RBFOX3: variants seen among roughly 807,000 people sequenced by gnomAD.
The protein encoded by RBFOX3 is RNA binding fox-1 homolog 3.
In RBFOX3, 17 loss-of-function variants were observed where a neutral mutation model predicts 48.7. The observed-to-expected ratio is 0.35, with a 90% CI of 0.24 to 0.52. The LOEUF (loss-of-function observed/expected upper bound fraction) is 0.52, where lower values mean the gene tolerates loss of function less well. Ranked by LOEUF, RBFOX3 falls within the 20% of genes least tolerant of loss-of-function variation. The pLI, the probability that RBFOX3 is intolerant of heterozygous loss-of-function variation, is 0.94. For synonymous variants in RBFOX3, 212 were observed against 209.5 expected (o/e 1.01, Z -0.10); for missense variants, 382 against 497.5 (o/e 0.77, Z 2.21).
chr17:79,521,317 GACAC>G (rs1253100066), intron 1 of RBFOX3, among the ~76,000 whole-genome samples: 1 of 149,680 alleles, frequency 6.7e-6, no homozygotes, highest in Non-Finnish European at 1.5e-5. Context: ...CACATGCTCA[GACAC>G]ACACATTCAT....
rs1333917960 is a variant in RBFOX3, at chr17:79,097,920, C to T, written c.569-175G>A. On this transcript the variant is annotated intron_variant, in intron 9 of 14. Transcript: ENST00000693108. Reference sequence around the variant, plus strand: ...CCGGACAAGTGCTGAGTTCAAAACACCAGGGTCTACTCCTTCCTGACTCTT... The same window carrying T: ...CCGGACAAGTGCTGAGTTCAAAACATCAGGGTCTACTCCTTCCTGACTCTT... The T allele has an allele frequency of 2.3e-5, 15 of 648,736 alleles. No individual in the cohort carries two copies. The South Asian group carries it at 2.7e-4, about 12-fold the overall frequency. 40.2% of individuals were successfully genotyped at this position (648,736 alleles called of 1,614,324 possible).
chr17:79,460,557 G>A lies in RBFOX3; in HGVS notation c.-175+21897C>T, dbSNP rs12601099. Among the ~76,000 whole-genome samples the A allele has an allele frequency of 1.2e-3, 177 of 152,324 alleles. 4 individuals carry two copies. The East Asian group carries it at 0.033, about 29-fold the overall frequency. On this transcript the variant is annotated intron_variant, in intron 2 of 14. Transcript: ENST00000693108. ...CTCTTGCTGCACTTACATAAGCCAT[G>A]CTATGATGGTTTAAATATGTCTCCT...
At chr17:79,581,359 C>T (rs1278036747) in intron 1 of RBFOX3, among the ~76,000 whole-genome samples, 5 of 152,254 alleles carry the variant, frequency 3.3e-5, no homozygotes, top group African/African-American at 1.2e-4. Context: ...AAGACTTCCC[C>T]TCGGGCTCAA....
chr17:79,239,155 C>T (rs957926598), intron 3 of RBFOX3, among the ~76,000 whole-genome samples: 1 of 152,178 alleles, frequency 6.6e-6, no homozygotes. Context: ...TCTGAGATGT[C>T]GGCTCCCCCT....
intron 1 of RBFOX3, among the ~76,000 whole-genome samples, chr17:79,491,292 G>A (rs1210837084): frequency 6.6e-6 from 1 of 151,728 alleles, no homozygotes; most frequent in African/African-American, 2.4e-5. Flanking sequence ...AGCAGGAGAT[G>A]AGACCAGACA....
intron 4 of RBFOX3, among the ~76,000 whole-genome samples, chr17:79,124,922 G>A (rs893377501): frequency 2.6e-5 from 4 of 151,916 alleles, no homozygotes; most frequent in Non-Finnish European, 4.4e-5. Flanking sequence ...CCTTGTCTCG[G>A]GGGGAGCCCA....
At chr17:79,284,463 G>A (rs2071366104) in intron 3 of RBFOX3, among the ~76,000 whole-genome samples, 1 of 151,836 alleles carries the variant, frequency 6.6e-6, no homozygotes, top group Non-Finnish European at 1.5e-5. Context: ...CGTGGTGATT[G>A]AGACAGGCCC....
intron 1 of RBFOX3, among the ~76,000 whole-genome samples, chr17:79,491,745 C>A (rs868933336): frequency 6.6e-6 from 1 of 152,110 alleles, no homozygotes; most frequent in Non-Finnish European, 1.5e-5. Flanking sequence ...CATTATTACC[C>A]ACAGTCTACT....
intron 2 of RBFOX3, among the ~76,000 whole-genome samples, chr17:79,369,002 C>T (rs1372598546): frequency 1.3e-5 from 2 of 152,178 alleles, no homozygotes; most frequent in East Asian, 1.9e-4. Context: ...CTCACCGCCG[C>T]CTGCTATCCA....
chr17:79,133,214 G>C (rs2039396151), intron 4 of RBFOX3, among the ~76,000 whole-genome samples: 2 of 152,324 alleles, frequency 1.3e-5, no homozygotes, highest in South Asian at 4.1e-4. Flanking sequence ...GCAGGGGCCA[G>C]TGGGAGAAGA....
At chr17:79,174,856 CA>C (rs1360522544) in intron 4 of RBFOX3, among the ~76,000 whole-genome samples, 1 of 152,230 alleles carries the variant, frequency 6.6e-6, no homozygotes, top group Admixed American at 6.5e-5. Context: ...GACCTGGGCA[CA>C]GGAGAGCTGA....
intron 2 of RBFOX3, among the ~76,000 whole-genome samples, chr17:79,340,999 T>C (rs1311359076): frequency 2.6e-5 from 4 of 152,228 alleles, no homozygotes; most frequent in African/African-American, 7.2e-5. Flanking sequence ...AGCTCTGGAC[T>C]CAAACAAACA....
chr17:79,110,339 C>T (rs2030624932), intron 5 of RBFOX3, among the ~76,000 whole-genome samples: 1 of 152,104 alleles, frequency 6.6e-6, no homozygotes, highest in Admixed American at 6.5e-5. Context: ...CTCCCACTCT[C>T]CACATCCTCT....
chr17:79,355,275 G>C (rs2084753668), intron 2 of RBFOX3, among the ~76,000 whole-genome samples: 1 of 152,258 alleles, frequency 6.6e-6, no homozygotes, highest in Non-Finnish European at 1.5e-5. Flanking sequence ...AGCATGTGAA[G>C]CCTGCAGAAC....
At chr17:79,436,525 G>A (rs79618980) in intron 2 of RBFOX3, among the ~76,000 whole-genome samples, 7,717 of 152,216 alleles carry the variant, frequency 0.051, 304 homozygotes, top group East Asian at 0.17. Context: ...CACCCGGGAG[G>A]AGCTGAGCCT....
chr17:79,586,211 G>T (rs2093245230), intron 1 of RBFOX3, among the ~76,000 whole-genome samples: 1 of 152,230 alleles, frequency 6.6e-6, no homozygotes, highest in Non-Finnish European at 1.5e-5. Flanking sequence ...CATTCCAGGT[G>T]GGGCCTCAGC....
chr17:79,378,428 G>A (rs1372790475), intron 2 of RBFOX3, among the ~76,000 whole-genome samples: 1 of 152,210 alleles, frequency 6.6e-6, no homozygotes, highest in Non-Finnish European at 1.5e-5. Flanking sequence ...CCAAGAACAG[G>A]TAGAGGATAT....
At chr17:79,615,614 G>T (rs1347939926), upstream of RBFOX3, among the ~76,000 whole-genome samples, 1 of 152,200 alleles carries the variant, frequency 6.6e-6, no homozygotes, top group African/African-American at 2.4e-5. Context: ...TCTGTGCCCG[G>T]CCGGCTCGGG....
chr17:79,287,445 G>A (rs1041105688), intron 3 of RBFOX3, among the ~76,000 whole-genome samples: 1 of 151,984 alleles, frequency 6.6e-6, no homozygotes, highest in African/African-American at 2.4e-5. Flanking sequence ...GTGTTGATCC[G>A]AGGGGTTGTC....
Sources: gnomAD v4.1 joint callset for allele counts (sites outside exome capture counted in the v4.1 genomes callset) on GRCh38, gnomAD v4.1.1 for gene constraint, MANE v1.5 for transcripts, NCBI Gene and HGNC (gene_info 2026-07-23, HGNC 2026-07-21) for gene names.